CDH2: variants seen among roughly 807,000 people sequenced by gnomAD.
The protein encoded by CDH2 is cadherin-2.
In CDH2, 17 loss-of-function variants were observed where a neutral mutation model predicts 92.0. The observed-to-expected ratio is 0.18, with a 90% CI of 0.13 to 0.28. The LOEUF (loss-of-function observed/expected upper bound fraction) is 0.28. CDH2 is among the 10% of genes least tolerant of loss of function. CDH2 has a pLI of 1.00. For missense variants in CDH2, 862 were observed against 1,133.1 expected (o/e 0.76, Z 3.44); for synonymous variants, 419 against 415.9 (o/e 1.01, Z -0.09).
chr18:28,034,728 GA>G (rs1003901545), intron 2 of CDH2, among the ~76,000 whole-genome samples: 1 of 151,494 alleles, frequency 6.6e-6, no homozygotes, highest in Non-Finnish European at 1.5e-5. Context: ...TTTGAAACAC[GA>G]AACACAACTC....
In CDH2 at chr18:28,150,154, C is replaced by T. The variant is rs17536611; in HGVS notation, c.61-2370G>A. 4.2e-3 allele frequency among the ~76,000 whole-genome samples: 640 copies of T among 152,324 alleles called. 4 individuals carry two copies. The highest frequency in any genetic ancestry group is 0.015 in the African/African-American group (608 of 41,584). ...TCCCACCAACATGTTACGAGTCTGCCTCTTCACCCTTCTAGTCCAGGCTTC... is the reference window on the plus strand; with the variant it reads ...TCCCACCAACATGTTACGAGTCTGCTTCTTCACCCTTCTAGTCCAGGCTTC... On this transcript the variant is annotated intron_variant, in intron 1 of 15. Transcript: ENST00000269141.
chr18:28,161,353 C>A (rs2016303809), intron 1 of CDH2, among the ~76,000 whole-genome samples: 1 of 152,046 alleles, frequency 6.6e-6, no homozygotes, highest in East Asian at 1.9e-4. Flanking sequence ...CCAAGGCGGG[C>A]ATATCACCTA....
chr18:28,095,050 G>A (rs972127792), intron 2 of CDH2, among the ~76,000 whole-genome samples: 10 of 152,020 alleles, frequency 6.6e-5, no homozygotes, highest in Non-Finnish European at 8.8e-5. Flanking sequence ...ATTTTTTAGT[G>A]CCTTAAGATC....
intron 2 of CDH2, among the ~76,000 whole-genome samples, chr18:28,053,850 A>G (rs1225025112): frequency 9.9e-5 from 15 of 152,178 alleles, no homozygotes; most frequent in Admixed American, 9.8e-4. Context: ...GGAATGCAGG[A>G]GAGGTACCAC....
chr18:28,028,244 G>A (rs2013609179), intron 2 of CDH2, among the ~76,000 whole-genome samples: 1 of 151,944 alleles, frequency 6.6e-6, no homozygotes, highest in African/African-American at 2.4e-5. Flanking sequence ...AGAAACCATT[G>A]AGAACAAATG....
At chr18:28,159,081 A>G (rs1169349246) in intron 1 of CDH2, 2 of 152,220 alleles carry the variant, frequency 1.3e-5, no homozygotes, top group African/African-American at 4.8e-5. Flanking sequence ...TTAAGCATGT[A>G]AAAGAGTCCT....
intron 2 of CDH2, among the ~76,000 whole-genome samples, chr18:28,046,416 T>C (rs2014077665): frequency 6.6e-6 from 1 of 152,176 alleles, no homozygotes; most frequent in South Asian, 2.1e-4. Context: ...AGTTATGCTA[T>C]AATAAAAACT....
In CDH2 at chr18:27,993,634, C is replaced by T. The variant is rs1300965782; in HGVS notation, c.1024G>A (p.Val342Met). Residue 342 changes from valine to methionine, a missense_variant, in exon 8 of 16, where the codon GTG becomes ATG. Val to Met is a conservative substitution (Grantham distance 21). Coordinates refer to ENST00000269141, the MANE Select transcript of CDH2 (RefSeq NM_001792.5). The part of the protein sequence containing the change: ...TVAAGLDREK[V>M]QQYTLIIQAT... ...TGAATTATTAACGTATACTGTTGCA[C>T]TTTCTAAAAAGACATAAAGATAAGA... 6.2e-7 allele frequency: 1 copy of T among 1,608,260 alleles called. No individual in the cohort carries two copies. The highest frequency in any genetic ancestry group is 8.5e-7 in the Non-Finnish European group (1 of 1,176,156).
At chr18:28,054,704 C>A (rs1078501) in intron 2 of CDH2, among the ~76,000 whole-genome samples, 28,888 of 152,124 alleles carry the variant, frequency 0.19, 3,066 homozygotes, top group East Asian at 0.36. Context: ...AAAGACTTTA[C>A]TTCCAGGATA....
Position 28,177,117 on chromosome 18 carries a change from C to G in CDH2, c.-95G>C, listed in dbSNP as rs2016561686. 3 of 863,770 alleles carry G rather than the reference C, an allele frequency of 3.5e-6. No individual in the cohort carries two copies. The allele number at this position is 863,770 out of a possible 1,614,324, so 53.5% of individuals were successfully genotyped here. ...GAGGCAGCGGCAGCACCAACAGCGG[C>G]GCGGAGAAACGGCTCCAGGCAGTTT... On this transcript the variant is annotated 5_prime_UTR_variant, in exon 1 of 16. Transcript: ENST00000269141.
chr18:28,048,497 A>G (rs762667193), intron 2 of CDH2, among the ~76,000 whole-genome samples: 3 of 152,234 alleles, frequency 2.0e-5, no homozygotes, highest in Non-Finnish European at 2.9e-5. Context: ...GTTATAAAGA[A>G]TAACTGTATT....
chr18:27,965,220 A>G (rs1409021264), intron 14 of CDH2, among the ~76,000 whole-genome samples: 1 of 152,216 alleles, frequency 6.6e-6, no homozygotes, highest in African/African-American at 2.4e-5. Flanking sequence ...GCTAATTGAG[A>G]TACTCTGATC....
chr18:28,096,109 G>A (rs1168497494), intron 2 of CDH2, among the ~76,000 whole-genome samples: 2 of 152,096 alleles, frequency 1.3e-5, no homozygotes, highest in Non-Finnish European at 2.9e-5. Context: ...ACAGTATGAG[G>A]TGCTATTCCC....
intron 2 of CDH2, among the ~76,000 whole-genome samples, chr18:28,089,822 T>C (rs2015003687): frequency 6.6e-6 from 1 of 152,150 alleles, no homozygotes; most frequent in Admixed American, 6.5e-5. Flanking sequence ...CCTGCTACCC[T>C]GGGTATGTGA....
intron 7 of CDH2, among the ~76,000 whole-genome samples, chr18:28,001,594 G>T (rs1300827002): frequency 6.8e-6 from 1 of 146,302 alleles, no homozygotes; most frequent in African/African-American, 2.6e-5. Flanking sequence ...ATATACACAT[G>T]TTACTGAACT....
intron 1 of CDH2, among the ~76,000 whole-genome samples, chr18:28,148,800 T>A (rs1350598383): frequency 6.6e-6 from 1 of 152,184 alleles, no homozygotes; most frequent in Non-Finnish European, 1.5e-5. Context: ...GATGAAGCAA[T>A]GCAGGGCAGC....
Position 27,955,336 on chromosome 18 carries a change from C to T in CDH2, c.2515-2977G>A, listed in dbSNP as rs563560175. ...ACCTATGTAATAAACCTGCACATTC[C>T]GCACATGTATCTCAGAATTTAAAGT... On this transcript the variant is annotated intron_variant, in intron 15 of 15. Transcript: ENST00000269141. 9.9e-5 allele frequency among the ~76,000 whole-genome samples: 14 copies of T among 140,758 alleles called. No individual in the cohort carries two copies. In the East Asian group the frequency reaches 1.0e-3, roughly 10 times the overall value. The allele number at this position is 140,758 out of a possible 152,430, so 92.3% of individuals were successfully genotyped here.
At chr18:27,985,282 TA>T (rs1196141229) in intron 12 of CDH2, 49 bp from the exon 13 acceptor site, 2 of 1,068,374 alleles carry the variant, frequency 1.9e-6, no homozygotes, top group South Asian at 2.7e-5. Flanking sequence ...CTTAAAGCGA[TA>T]AAAAAACACA....
downstream of CDH2, among the ~76,000 whole-genome samples, chr18:27,949,326 T>C (rs540512542): frequency 1.3e-5 from 2 of 152,138 alleles, no homozygotes; most frequent in South Asian, 2.1e-4. Flanking sequence ...TATCTCCACA[T>C]TCTTTAATCC....
Sources: allele counts gnomAD v4.1 joint callset (sites outside exome capture counted in the v4.1 genomes callset), GRCh38; gene constraint gnomAD v4.1.1; transcripts MANE v1.5; gene names NCBI Gene and HGNC (gene_info 2026-07-23, HGNC 2026-07-21).